CTNND2: variants seen among roughly 807,000 people sequenced by gnomAD.
The protein encoded by CTNND2 is catenin delta-2.
Under a neutral mutation model 144.4 loss-of-function variants are expected in CTNND2, and 22 were observed. The observed-to-expected ratio is 0.15, with a 90% CI of 0.11 to 0.22. The LOEUF is 0.22. CTNND2 is among the 10% of genes least tolerant of loss of function. The probability of loss-of-function intolerance (pLI) is 1.00; values close to 1 mark genes in which losing one functional copy is unlikely to be tolerated. For synonymous variants in CTNND2, 751 were observed against 695.6 expected (o/e 1.08, Z -1.25); for missense variants, 1,353 against 1,618.8 (o/e 0.84, Z 2.82).
rs186856449 is a variant in CTNND2 at position 11,170,548 on chromosome 5, C to T, written c.1976-10789G>A. ...TTTTCTTGCAAGCATTTAATTCTGCCGACCTCTACTAAAACACACATACAC... is the reference window on the plus strand; with the variant it reads ...TTTTCTTGCAAGCATTTAATTCTGCTGACCTCTACTAAAACACACATACAC... On this transcript the variant is annotated intron_variant, in intron 11 of 21. Coordinates refer to ENST00000304623, the MANE Select transcript of CTNND2 (RefSeq NM_001332.4). Among the ~76,000 whole-genome samples, 208 of 151,990 alleles carry T rather than the reference C, an allele frequency of 1.4e-3. 1 individual carries two copies. Among genetic ancestry groups the T allele is most frequent in the African/African-American group, 4.1e-3 (169 of 41,470 alleles).
chr5:11,357,509 T>C lies in CTNND2; in HGVS notation c.1372+7187A>G, dbSNP rs868258718. 2.6e-5 allele frequency among the ~76,000 whole-genome samples: 4 copies of C among 152,068 alleles called. 1 individual carries two copies. Among genetic ancestry groups the C allele is most frequent in the Middle Eastern group, 3.4e-3 (1 of 294 alleles). On this transcript the variant is annotated intron_variant, in intron 8 of 21. Coordinates refer to ENST00000304623, the MANE Select transcript of CTNND2 (RefSeq NM_001332.4). Reference sequence around the variant, plus strand: ...GATATCATAGAAGCAGAGAGTAGAATAGTGGTTACCAGAGACTAGGGAGGG... The same window carrying C: ...GATATCATAGAAGCAGAGAGTAGAACAGTGGTTACCAGAGACTAGGGAGGG...
chr5:11,532,802 T>G (rs1463752779), intron 3 of CTNND2, among the ~76,000 whole-genome samples: 1 of 152,230 alleles, frequency 6.6e-6, no homozygotes, highest in Admixed American at 6.5e-5. Context: ...TTTTACATGA[T>G]CAAGGATCTG....
chr5:11,485,916 A>C lies in CTNND2; in HGVS notation c.288-73847T>G, dbSNP rs1466670760. Among the ~76,000 whole-genome samples the C allele has an allele frequency of 3.3e-4, 51 of 152,258 alleles. 1 individual carries two copies. The highest frequency in any genetic ancestry group is 3.3e-3 in the Admixed American group (51 of 15,286). ...GAAGAGTAAATCAAATTAAAATTTCACTAAGTCCAAAGATATCATAAACAA... is the reference window on the plus strand; with the variant it reads ...GAAGAGTAAATCAAATTAAAATTTCCCTAAGTCCAAAGATATCATAAACAA... On this transcript the variant is annotated intron_variant, in intron 3 of 21. Coordinates refer to ENST00000304623, the MANE Select transcript of CTNND2 (RefSeq NM_001332.4).
chr5:11,871,278 C>T (rs915364320), intron 1 of CTNND2, among the ~76,000 whole-genome samples: 3 of 152,128 alleles, frequency 2.0e-5, no homozygotes, highest in Admixed American at 6.5e-5. Context: ...TCTAAGCCAT[C>T]TCTCATGTTT....
At chr5:11,501,041 T>C (rs1233873139) in intron 3 of CTNND2, among the ~76,000 whole-genome samples, 1 of 152,240 alleles carries the variant, frequency 6.6e-6, no homozygotes, top group Non-Finnish European at 1.5e-5. Context: ...TAACTTTTTG[T>C]GCATCTCAAG....
intron 2 of CTNND2, among the ~76,000 whole-genome samples, chr5:11,603,381 C>A (rs1204320550): frequency 2.6e-5 from 4 of 152,156 alleles, no homozygotes; most frequent in Non-Finnish European, 5.9e-5. Context: ...GTCACAGTTG[C>A]AGTGGCTCTC....
chr5:11,241,991 G>C (rs971667512), intron 9 of CTNND2, among the ~76,000 whole-genome samples: 1 of 152,006 alleles, frequency 6.6e-6, no homozygotes, highest in Non-Finnish European at 1.5e-5. Context: ...GGCTCTGAAG[G>C]GGATGGGGGC....
intron 2 of CTNND2, among the ~76,000 whole-genome samples, chr5:11,655,025 T>C (rs951610519): frequency 1.3e-5 from 2 of 152,122 alleles, no homozygotes; most frequent in Non-Finnish European, 2.9e-5. Context: ...ATGTATATTA[T>C]CTTGCTGCCC....
chr5:11,090,796 CCTTT>C (rs200113082), intron 15 of CTNND2, among the ~76,000 whole-genome samples: 3,399 of 148,216 alleles, frequency 0.023, 132 homozygotes, highest in African/African-American at 0.083. Flanking sequence ...GTAAGTTCAG[CCTTT>C]TTTTTCTTTT....
chr5:11,477,720 C>A (rs1332777899), intron 3 of CTNND2, among the ~76,000 whole-genome samples: 1 of 152,166 alleles, frequency 6.6e-6, no homozygotes, highest in Non-Finnish European at 1.5e-5. Flanking sequence ...CCTTGCCCAT[C>A]TTGACCCTAC....
At chr5:11,744,760 T>A (rs1464797655) in intron 1 of CTNND2, among the ~76,000 whole-genome samples, 5 of 152,142 alleles carry the variant, frequency 3.3e-5, no homozygotes, top group East Asian at 3.9e-4. Context: ...TATTATTATT[T>A]TTTTGAGACA....
intron 1 of CTNND2, among the ~76,000 whole-genome samples, chr5:11,802,109 C>A (rs947610772): frequency 1.3e-5 from 2 of 151,956 alleles, no homozygotes; most frequent in Middle Eastern, 3.2e-3. Flanking sequence ...CCCATCTCTA[C>A]TAAAAACACA....
At chr5:11,715,051 T>G (rs1234044653) in intron 2 of CTNND2, among the ~76,000 whole-genome samples, 3 of 152,168 alleles carry the variant, frequency 2.0e-5, no homozygotes, top group Non-Finnish European at 2.9e-5. Flanking sequence ...TAAAATACCT[T>G]AAGATTTTGA....
At chr5:11,363,750 T>C (rs1756684977) in intron 8 of CTNND2, among the ~76,000 whole-genome samples, 1 of 152,212 alleles carries the variant, frequency 6.6e-6, no homozygotes. Flanking sequence ...TTAAGAAAAT[T>C]GCTATGCTCT....
At chr5:11,323,669 G>GAAAC (rs899639980) in intron 9 of CTNND2, among the ~76,000 whole-genome samples, 5 of 152,156 alleles carry the variant, frequency 3.3e-5, no homozygotes, top group Non-Finnish European at 7.3e-5. Flanking sequence ...TGAGATGTCT[G>GAAAC]AAACAAATAT....
chr5:11,443,513 A>C (rs1268329130), intron 3 of CTNND2, among the ~76,000 whole-genome samples: 1 of 151,740 alleles, frequency 6.6e-6, no homozygotes, highest in Non-Finnish European at 1.5e-5. Context: ...AAGCATGTGC[A>C]GATAGATACA....
At chr5:11,306,495 T>C (rs771439475) in intron 9 of CTNND2, among the ~76,000 whole-genome samples, 1 of 152,198 alleles carries the variant, frequency 6.6e-6, no homozygotes, top group Non-Finnish European at 1.5e-5. Context: ...TGCTTTTCTA[T>C]AGCCATTTTC....
Position 11,215,675 on chromosome 5 carries a change from T to C in CTNND2, c.1762-16014A>G, listed in dbSNP as rs144428890. ...CTCTTTAGGCTTTAAGACACTAAAA[T>C]GGGGAAAAATCTAAATTGCAAAACA... is the stretch of plus-strand genomic sequence containing the variant. On this transcript the variant is annotated intron_variant, in intron 10 of 21. Coordinates refer to ENST00000304623, the MANE Select transcript of CTNND2 (RefSeq NM_001332.4). 2.8e-3 allele frequency among the ~76,000 whole-genome samples: 430 copies of C among 152,288 alleles called. 2 individuals carry two copies. Among genetic ancestry groups the C allele is most frequent in the African/African-American group, 6.5e-3 (271 of 41,560 alleles).
chr5:11,357,941 T>C (rs1210474816), intron 8 of CTNND2, among the ~76,000 whole-genome samples: 4 of 152,164 alleles, frequency 2.6e-5, no homozygotes, highest in African/African-American at 9.6e-5. Context: ...AATGTGTAAT[T>C]ATGGTTCCAT....
Sources: gnomAD v4.1 joint callset for allele counts (sites outside exome capture counted in the v4.1 genomes callset) on GRCh38, gnomAD v4.1.1 for gene constraint, MANE v1.5 for transcripts, NCBI Gene and HGNC (gene_info 2026-07-23, HGNC 2026-07-21) for gene names.